Variants in IPO11 observed in about 807,000 individuals in gnomAD.
IPO11 encodes importin-11.
IPO11 carries 66 observed loss-of-function variants against 143.2 expected under a neutral mutation model. The ratio of observed to expected loss-of-function variants is 0.46; its 90% CI spans 0.38 to 0.57. IPO11 has a LOEUF of 0.57. IPO11 is among the 20% of genes least tolerant of loss of function. The pLI is 0.00. For synonymous variants in IPO11, 385 were observed against 377.8 expected, an observed-to-expected ratio of 1.02 and a Z score of -0.22; for missense variants, 1,026 against 1,141.0, an observed-to-expected ratio of 0.90 and a Z score of 1.45.
chr5:62,532,219 G>T (rs1274122781), intron 22 of IPO11, among the ~76,000 whole-genome samples: 1 of 152,170 alleles, frequency 6.6e-6, no homozygotes, highest in African/African-American at 2.4e-5. Context: ...ATGGGAGAGG[G>T]ATTGGTAACC....
At chr5:62,444,387 C>T (rs1369511458) in intron 3 of IPO11, among the ~76,000 whole-genome samples, 1 of 151,772 alleles carries the variant, frequency 6.6e-6, no homozygotes, top group South Asian at 2.1e-4. Flanking sequence ...CCACTGTGCC[C>T]GGCCGGAGTA....
At chr5:62,616,587 G>T (rs940729203) in intron 29 of IPO11, among the ~76,000 whole-genome samples, 1 of 151,804 alleles carries the variant, frequency 6.6e-6, no homozygotes, top group Non-Finnish European at 1.5e-5. Context: ...GGGCACGGTG[G>T]CATGCCCCTG....
At chr5:62,481,709 A>G (rs1476245201) in intron 9 of IPO11, among the ~76,000 whole-genome samples, 3 of 152,094 alleles carry the variant, frequency 2.0e-5, no homozygotes, top group African/African-American at 7.2e-5. Context: ...CATCAGGGAT[A>G]TTGGTCTAAA....
chr5:62,509,860 G>T (rs988533082), intron 19 of IPO11, among the ~76,000 whole-genome samples: 1 of 152,218 alleles, frequency 6.6e-6, no homozygotes, highest in Admixed American at 6.5e-5. Context: ...AAACATGGTA[G>T]TGCTAATAAT....
intron 16 of IPO11, among the ~76,000 whole-genome samples, chr5:62,500,074 C>G (rs898538104): frequency 2.6e-5 from 4 of 152,184 alleles, no homozygotes; most frequent in African/African-American, 9.7e-5. Context: ...TGCTTGAGCC[C>G]AGGAATTCAA....
intron 24 of IPO11, among the ~76,000 whole-genome samples, chr5:62,548,222 T>C (rs576942678): frequency 6.6e-6 from 1 of 152,338 alleles, no homozygotes; most frequent in East Asian, 1.9e-4. Context: ...TTTTGTATTC[T>C]CTGGAAGTAA....
At chr5:62,420,017 G>A (rs1743444974) in intron 1 of IPO11, among the ~76,000 whole-genome samples, 3 of 151,916 alleles carry the variant, frequency 2.0e-5, no homozygotes, top group Admixed American at 1.3e-4. Context: ...TAGGCTGGGC[G>A]TGGTGGCTCA....
intron 16 of IPO11, among the ~76,000 whole-genome samples, chr5:62,503,300 CAGTATCTATTAATATATTAAT>C (rs879408965): frequency 1.2e-4 from 17 of 142,742 alleles, no homozygotes; most frequent in Non-Finnish European, 9.1e-5. Flanking sequence ...CCATTTTTAT[CAGTATCTATTAATATATTAAT>C]AGTATCTACT....
chr5:62,582,900 T>C (rs1744621349), intron 27 of IPO11, among the ~76,000 whole-genome samples: 1 of 152,178 alleles, frequency 6.6e-6, no homozygotes, highest in African/African-American at 2.4e-5. Context: ...AATTTTTTCT[T>C]AATATATTTG....
intron 20 of IPO11, among the ~76,000 whole-genome samples, chr5:62,517,014 C>A (rs888861340): frequency 1.3e-5 from 2 of 151,682 alleles, no homozygotes; most frequent in Admixed American, 6.6e-5. Flanking sequence ...CTGGCTAACA[C>A]GGTGAAACCC....
intron 9 of IPO11, among the ~76,000 whole-genome samples, chr5:62,482,857 C>G (rs1022634234): frequency 6.6e-6 from 1 of 151,970 alleles, no homozygotes; most frequent in African/African-American, 2.4e-5. Context: ...TGAATTGAGT[C>G]TGTTTTGGTT....
intron 28 of IPO11, among the ~76,000 whole-genome samples, chr5:62,598,433 T>TTCCTTC (rs1745333431): frequency 3.6e-4 from 1 of 2,802 alleles, no homozygotes; most frequent in Non-Finnish European, 5.8e-4. Flanking sequence ...TCTTTCTTTC[T>TTCCTTC]CTCTCTCTCT....
intron 5 of IPO11, among the ~76,000 whole-genome samples, chr5:62,455,719 A>G (rs1457425394): frequency 6.6e-6 from 1 of 152,126 alleles, no homozygotes; most frequent in Non-Finnish European, 1.5e-5. Context: ...ATTGTTTTGC[A>G]GTAACAAAAT....
chr5:62,420,272 C>G (rs928846130), intron 1 of IPO11, among the ~76,000 whole-genome samples: 2 of 122,638 alleles, frequency 1.6e-5, no homozygotes, highest in African/African-American at 6.3e-5. Context: ...GCCTGGGCAA[C>G]AAGAGTGAAG....
intron 9 of IPO11, among the ~76,000 whole-genome samples, chr5:62,482,828 A>G (rs530771206): frequency 1.3e-5 from 2 of 152,270 alleles, no homozygotes; most frequent in Admixed American, 1.3e-4. Flanking sequence ...ATATTCACCC[A>G]TTGTTATAAA....
intron 16 of IPO11, among the ~76,000 whole-genome samples, chr5:62,498,148 A>G (rs1002835737): frequency 1.3e-5 from 2 of 151,738 alleles, no homozygotes; most frequent in South Asian, 2.1e-4. Context: ...AAGATTAAAT[A>G]CTGTTTTCAT....
chr5:62,595,206 A>G (rs1036310213), intron 28 of IPO11, among the ~76,000 whole-genome samples: 2 of 152,200 alleles, frequency 1.3e-5, no homozygotes, highest in Non-Finnish European at 2.9e-5. Flanking sequence ...ATACACTGTA[A>G]ATGAGAACCT....
chr5:62,584,724 C>A (rs1394570954), intron 27 of IPO11, among the ~76,000 whole-genome samples: 1 of 143,816 alleles, frequency 7.0e-6, no homozygotes, highest in Non-Finnish European at 1.5e-5. Context: ...TGAAGCATAG[C>A]TTTTTTTGTT....
At chr5:62,450,950 A>G (rs1289889561) in intron 4 of IPO11, among the ~76,000 whole-genome samples, 4 of 152,198 alleles carry the variant, frequency 2.6e-5, no homozygotes, top group Admixed American at 1.3e-4. Context: ...ACCTGTTTAA[A>G]TGATCTCTGT....
Sources: gnomAD v4.1 joint callset for allele counts (sites outside exome capture counted in the v4.1 genomes callset) on GRCh38, gnomAD v4.1.1 for gene constraint, MANE v1.5 for transcripts, NCBI Gene and HGNC (gene_info 2026-07-23, HGNC 2026-07-21) for gene names.